SLC35F2: variants seen among roughly 807,000 people sequenced by gnomAD.
SLC35F2 encodes the protein queuine/queuosine transporter SLC35F2.
In SLC35F2, 25 loss-of-function variants were observed where a neutral mutation model predicts 38.1. That is an observed-to-expected ratio of 0.66 (90% CI 0.48 to 0.92). The LOEUF (loss-of-function observed/expected upper bound fraction) is 0.92, where lower values mean the gene tolerates loss of function less well. SLC35F2 is among the 40% of genes least tolerant of loss of function. The probability of loss-of-function intolerance (pLI) is 0.00; values close to 1 mark genes in which losing one functional copy is unlikely to be tolerated. For missense variants in SLC35F2, 409 were observed against 452.9 expected (o/e 0.90, Z 0.88); for synonymous variants, 173 against 181.7 (o/e 0.95, Z 0.38).
At chr11:107,833,952 G>A (rs1253859435) in intron 1 of SLC35F2, among the ~76,000 whole-genome samples, 1 of 152,254 alleles carries the variant, frequency 6.6e-6, no homozygotes, top group Non-Finnish European at 1.5e-5. Flanking sequence ...GGAACCAGGT[G>A]TGGGGCTCTA....
chr11:107,828,867 G>A (rs553074240), intron 1 of SLC35F2, among the ~76,000 whole-genome samples: 3 of 152,232 alleles, frequency 2.0e-5, no homozygotes, highest in East Asian at 1.9e-4. Flanking sequence ...AGCACTTTGG[G>A]AGGCCGAGGT....
intron 1 of SLC35F2, among the ~76,000 whole-genome samples, chr11:107,852,143 C>A (rs547499104): frequency 2.6e-5 from 4 of 152,176 alleles, no homozygotes; most frequent in Non-Finnish European, 5.9e-5. Context: ...GTTGGCCAGG[C>A]GTGGTGGCTC....
intron 1 of SLC35F2, among the ~76,000 whole-genome samples, chr11:107,824,273 G>A (rs1859721473): frequency 6.6e-6 from 1 of 152,184 alleles, no homozygotes; most frequent in Non-Finnish European, 1.5e-5. Flanking sequence ...ACTCGGAATA[G>A]GTGCTCAGTA....
chr11:107,801,374 A>G (rs1242690318), intron 7 of SLC35F2, among the ~76,000 whole-genome samples: 2 of 152,204 alleles, frequency 1.3e-5, no homozygotes, highest in Non-Finnish European at 2.9e-5. Flanking sequence ...TAAGCCACAG[A>G]GTAAAGAGAT....
At chr11:107,845,048 T>G (rs1228994670) in intron 1 of SLC35F2, among the ~76,000 whole-genome samples, 1 of 151,878 alleles carries the variant, frequency 6.6e-6, no homozygotes, top group East Asian at 1.9e-4. Context: ...GGTTGCTCAG[T>G]GCACAAAGTA....
At chr11:107,814,619 T>C (rs1284939285) in intron 2 of SLC35F2, among the ~76,000 whole-genome samples, 1 of 152,168 alleles carries the variant, frequency 6.6e-6, no homozygotes, top group African/African-American at 2.4e-5. Context: ...ACCCATAGAA[T>C]GCACAATACC....
chr11:107,847,191 C>T (rs1187816851), intron 1 of SLC35F2, among the ~76,000 whole-genome samples: 1 of 152,130 alleles, frequency 6.6e-6, no homozygotes, highest in Non-Finnish European at 1.5e-5. Context: ...TATAGGCCTA[C>T]ACCACTGCAC....
Position 107,809,681 on chromosome 11 carries a change from C to T in SLC35F2, c.414+1986G>A, listed in dbSNP as rs1216937597. ...GATGGATGTCTTCTCTGTTTCAGTTCGAAGAGTATCAATTTTATTTTTAAA... is the reference window on the plus strand; with the variant it reads ...GATGGATGTCTTCTCTGTTTCAGTTTGAAGAGTATCAATTTTATTTTTAAA... On this transcript the variant is annotated intron_variant, in intron 3 of 7. Transcript: ENST00000525815. 6.1e-6 allele frequency: 6 copies of T among 982,142 alleles called. No individual in the cohort carries two copies. In the African/African-American group the frequency reaches 7.0e-5, roughly 11 times the overall value. 60.8% of individuals were successfully genotyped at this position (982,142 alleles called of 1,614,324 possible). A position where few individuals can be genotyped will look rare whatever the true frequency, so the allele number is the denominator to read the frequency against.
Position 107,792,508 on chromosome 11 carries a change from G to C in SLC35F2, c.*107C>G, listed in dbSNP as rs796540399. 23 of 1,306,598 alleles carry C rather than the reference G, an allele frequency of 1.8e-5. No individual in the cohort carries two copies. The African/African-American group carries it at 3.4e-4, about 20-fold the overall frequency. 80.9% of individuals were successfully genotyped at this position (1,306,598 alleles called of 1,614,324 possible). A position where few individuals can be genotyped will look rare whatever the true frequency, so the allele number is the denominator to read the frequency against. The stretch of plus-strand genomic sequence containing the variant: ...AAACCTAACCACTGGATCCAACCCA[G>C]GGTTGTAGAGTGTCCATTCTGAGTC... On this transcript the variant is annotated 3_prime_UTR_variant, in exon 8 of 8. Coordinates refer to ENST00000525815, the MANE Select transcript of SLC35F2 (RefSeq NM_017515.5).
chr11:107,853,075 C>T (rs1860214450), intron 1 of SLC35F2, among the ~76,000 whole-genome samples: 1 of 151,966 alleles, frequency 6.6e-6, no homozygotes, highest in African/African-American at 2.4e-5. Context: ...AGCCCATGCC[C>T]CCTTCACACC....
In SLC35F2 at chr11:107,816,447, AT is replaced by A. The variant is rs5794572; in HGVS notation, c.111-483del. Among the ~76,000 whole-genome samples, 327 of 118,292 alleles carry A rather than the reference AT, an allele frequency of 2.8e-3. 2 individuals are homozygous for A. Among genetic ancestry groups the A allele is most frequent in the African/African-American group, 8.7e-3 (250 of 28,852 alleles). 77.6% of individuals were successfully genotyped at this position (118,292 alleles called of 152,430 possible). On this transcript the variant is annotated intron_variant, in intron 1 of 7. Transcript: ENST00000525815. ...AGGCACATGCCACCATGCCCAGCTA[AT>A]TTTTTTTTTTTTTTTTTTTGTGGAG...
chr11:107,794,157 T>G (rs773713087), intron 7 of SLC35F2, among the ~76,000 whole-genome samples: 40 of 151,492 alleles, frequency 2.6e-4, no homozygotes, highest in Non-Finnish European at 4.4e-4. Flanking sequence ...CTTGGCTCAC[T>G]GCAACCTCTG....
At chr11:107,826,368 C>T (rs145086517) in intron 1 of SLC35F2, among the ~76,000 whole-genome samples, 1,588 of 151,994 alleles carry the variant, frequency 0.01, 18 homozygotes, top group Non-Finnish European at 0.013. Context: ...CCTCCGCTTC[C>T]CAAGTAGCTG....
At chr11:107,823,926 CAAAAA>C (rs58357861) in intron 1 of SLC35F2, 150 of 647,450 alleles carry the variant, frequency 2.3e-4, no homozygotes, top group East Asian at 3.2e-4. Context: ...AAGACAGTCT[CAAAAA>C]AAAAAAAAAA....
At chr11:107,840,928 G>A (rs1024301756) in intron 1 of SLC35F2, among the ~76,000 whole-genome samples, 7 of 152,094 alleles carry the variant, frequency 4.6e-5, no homozygotes, top group African/African-American at 9.7e-5. Flanking sequence ...TGAGGGAAGC[G>A]GAGGCGGCGA....
chr11:107,797,991 T>A (rs981438795), intron 7 of SLC35F2, among the ~76,000 whole-genome samples: 6 of 142,178 alleles, frequency 4.2e-5, no homozygotes, highest in Admixed American at 3.6e-4. Context: ...ATTTTTTATT[T>A]TTTTTTGTTA....
Position 107,824,432 on chromosome 11 carries a change from G to T in SLC35F2, c.111-8467C>A, listed in dbSNP as rs189120137. 2.6e-5 allele frequency among the ~76,000 whole-genome samples: 4 copies of T among 152,290 alleles called. No homozygotes were observed. The East Asian group carries it at 7.7e-4, about 29-fold the overall frequency. ...CAAACTCCAGAGTTAGATAAAACTGGGTTCTGGATTTAAATTTGAAACATG... is the reference window on the plus strand; with the variant it reads ...CAAACTCCAGAGTTAGATAAAACTGTGTTCTGGATTTAAATTTGAAACATG... On this transcript the variant is annotated intron_variant, in intron 1 of 7. Transcript: ENST00000525815.
intron 3 of SLC35F2, chr11:107,810,373 C>T: frequency 1.0e-6 from 1 of 985,228 alleles, no homozygotes; most frequent in Non-Finnish European, 1.2e-6. Context: ...TTAGGCCTTG[C>T]ACCAATTCAA....
Position 107,844,402 on chromosome 11 carries a change from C to T in SLC35F2, c.110+14256G>A, listed in dbSNP as rs556609424. ...CAGCACTTTGGGAGGCCGAGGCAGA[C>T]GGATCACCTAAGGTCAGGAGTTTGA... On this transcript the variant is annotated intron_variant, in intron 1 of 7. Coordinates refer to ENST00000525815, the MANE Select transcript of SLC35F2 (RefSeq NM_017515.5). Among the ~76,000 whole-genome samples the T allele has an allele frequency of 1.3e-3, 202 of 152,056 alleles. No homozygotes were observed. The Middle Eastern group carries it at 0.014, about 10-fold the overall frequency.
Sources: allele counts gnomAD v4.1 joint callset (sites outside exome capture counted in the v4.1 genomes callset), GRCh38; gene constraint gnomAD v4.1.1; transcripts MANE v1.5; gene names NCBI Gene and HGNC (gene_info 2026-07-23, HGNC 2026-07-21).